The following TENM3 variants were observed in gnomAD, a reference collection of about 807,000 sequenced individuals.
TENM3 encodes teneurin transmembrane protein 3.
In TENM3, 63 loss-of-function variants were observed where a neutral mutation model predicts 255.1. The ratio of observed to expected loss-of-function variants is 0.25; its 90% CI spans 0.20 to 0.30. TENM3 has a LOEUF of 0.30. Ranked by LOEUF, TENM3 falls within the 10% of genes least tolerant of loss-of-function variation. The pLI is 1.00. For missense variants in TENM3, 2,929 were observed against 3,461.1 expected, an observed-to-expected ratio of 0.85 and a Z score of 3.86; for synonymous variants, 1,306 against 1,322.3, an observed-to-expected ratio of 0.99 and a Z score of 0.27.
chr4:181,691,521 A>G, the TENM3 span, among the ~76,000 whole-genome samples: 1 of 152,084 alleles, frequency 6.6e-6, no homozygotes, highest in East Asian at 1.9e-4. Context: ...CTTAGCATGA[A>G]TTGTGTGTAA....
intron 2 of TENM3, among the ~76,000 whole-genome samples, chr4:182,334,342 A>C (rs796882972): frequency 7.9e-5 from 12 of 152,222 alleles, no homozygotes; most frequent in African/African-American, 2.9e-4. Flanking sequence ...CCATAAGAAT[A>C]TTAATTCTCC....
chr4:182,084,344 A>G, the TENM3 span, among the ~76,000 whole-genome samples: 14 of 152,222 alleles, frequency 9.2e-5, no homozygotes, highest in African/African-American at 3.4e-4. Flanking sequence ...CACTGTTGAC[A>G]TCACTTTACA....
At chr4:182,195,911 C>T (rs563950742) in intron 1 of TENM3, among the ~76,000 whole-genome samples, 1 of 152,204 alleles carries the variant, frequency 6.6e-6, no homozygotes, top group East Asian at 1.9e-4. Flanking sequence ...AAAATCTATC[C>T]GAGGCTCTGG....
chr4:181,619,759 A>G, the TENM3 span, among the ~76,000 whole-genome samples: 118 of 152,172 alleles, frequency 7.8e-4, 2 homozygotes, highest in African/African-American at 2.8e-3. Context: ...ATCAATGCGC[A>G]TGTCAACCTG....
chr4:181,593,994 GT>G, the TENM3 span, among the ~76,000 whole-genome samples: 48 of 93,038 alleles, frequency 5.2e-4, no homozygotes, highest in South Asian at 1.3e-3. Flanking sequence ...CTCTGCAGGA[GT>G]TTTTTTTTTT....
chr4:182,080,194 G>A, the TENM3 span, among the ~76,000 whole-genome samples: 1 of 152,164 alleles, frequency 6.6e-6, no homozygotes, highest in Non-Finnish European at 1.5e-5. Context: ...GTAAGGATGT[G>A]GAAATAGTTC....
At chr4:182,616,815 C>T (rs567781257) in intron 4 of TENM3, among the ~76,000 whole-genome samples, 1 of 152,252 alleles carries the variant, frequency 6.6e-6, no homozygotes, top group Non-Finnish European at 1.5e-5. Context: ...TATTGAGAAT[C>T]AGTTGCCAGA....
At chr4:182,634,434 A>G (rs1751669872) in intron 5 of TENM3, among the ~76,000 whole-genome samples, 1 of 152,166 alleles carries the variant, frequency 6.6e-6, no homozygotes, top group Non-Finnish European at 1.5e-5. Context: ...CACCTATCCC[A>G]GTTTTTAAAA....
intron 1 of TENM3, among the ~76,000 whole-genome samples, chr4:182,211,308 A>G (rs1194720275): frequency 6.6e-6 from 1 of 152,226 alleles, no homozygotes; most frequent in Non-Finnish European, 1.5e-5. Context: ...TTTTTCTAGT[A>G]GAAATCAAAG....
intron 3 of TENM3, among the ~76,000 whole-genome samples, chr4:182,403,156 A>G (rs570907177): frequency 2.9e-4 from 44 of 152,362 alleles, no homozygotes; most frequent in African/African-American, 1.0e-3. Flanking sequence ...TTTGGCAAAT[A>G]CGGCAGCTCA....
the TENM3 span, among the ~76,000 whole-genome samples, chr4:181,661,173 G>A: frequency 6.6e-6 from 1 of 152,058 alleles, no homozygotes; most frequent in Non-Finnish European, 1.5e-5. Flanking sequence ...AATCTTTAAT[G>A]GCATAAAAAC....
At chr4:182,759,741 G>C (rs1014488971) in intron 22 of TENM3, among the ~76,000 whole-genome samples, 1 of 152,192 alleles carries the variant, frequency 6.6e-6, no homozygotes, top group Non-Finnish European at 1.5e-5. Context: ...TTCCCAATAA[G>C]GTTTTTATCA....
intron 2 of TENM3, among the ~76,000 whole-genome samples, chr4:182,335,414 G>C: frequency 7.5e-6 from 1 of 133,436 alleles, no homozygotes; most frequent in Non-Finnish European, 1.6e-5. Context: ...AGAATGGCGT[G>C]AACCCGGGAG....
intron 1 of TENM3, among the ~76,000 whole-genome samples, chr4:182,274,516 A>G (rs1759863274): frequency 6.6e-6 from 1 of 152,158 alleles, no homozygotes; most frequent in South Asian, 2.1e-4. Flanking sequence ...GGATATTGAA[A>G]GAGGTGAGTG....
At chr4:181,599,964 A>C in the TENM3 span, among the ~76,000 whole-genome samples, 1 of 152,264 alleles carries the variant, frequency 6.6e-6, no homozygotes, top group East Asian at 1.9e-4. Flanking sequence ...CAGACCAGAG[A>C]AACCCCTCCT....
chr4:181,488,960 T>G, the TENM3 span, among the ~76,000 whole-genome samples: 79 of 152,210 alleles, frequency 5.2e-4, no homozygotes, highest in East Asian at 3.8e-4. Context: ...AGCAAAATCT[T>G]CTTGCCATGG....
At chr4:182,465,559 G>A (rs1014684303) in intron 3 of TENM3, among the ~76,000 whole-genome samples, 3 of 151,800 alleles carry the variant, frequency 2.0e-5, no homozygotes, top group Non-Finnish European at 4.4e-5. Flanking sequence ...TTTTTATAGC[G>A]GCCGGATCTA....
At chr4:182,448,973 G>T (rs1176465039) in intron 3 of TENM3, 2 of 395,540 alleles carry the variant, frequency 5.1e-6, no homozygotes, top group Non-Finnish European at 1.0e-5. Context: ...GCCGCCGCGC[G>T]CAGCCCGAGC....
At chr4:181,958,291 T>C in the TENM3 span, among the ~76,000 whole-genome samples, 4 of 152,304 alleles carry the variant, frequency 2.6e-5, 1 homozygote, top group East Asian at 7.7e-4. Context: ...GAAAATCAGT[T>C]CAATGATAAA....
Sources: allele counts gnomAD v4.1 joint callset (sites outside exome capture counted in the v4.1 genomes callset), GRCh38; gene constraint gnomAD v4.1.1; transcripts MANE v1.5; gene names NCBI Gene and HGNC (gene_info 2026-07-23, HGNC 2026-07-21).